Variants in UTP6 observed in about 807,000 individuals in gnomAD.
The protein encoded by UTP6 is UTP6 small subunit processome component.
A neutral mutation model predicts 96.5 loss-of-function variants in UTP6; 60 were observed. That is an observed-to-expected ratio of 0.62 (90% confidence interval 0.51 to 0.77). UTP6 has a LOEUF of 0.77. Ranked by LOEUF, UTP6 falls within the 30% of genes least tolerant of loss-of-function variation. UTP6 has a pLI of 0.00. For synonymous variants in UTP6, 215 were observed against 240.1 expected, an observed-to-expected ratio of 0.90 and a Z score of 0.96; for missense variants, 637 against 706.5, an observed-to-expected ratio of 0.90 and a Z score of 1.12.
chr17:31,872,629 T>C (rs972362249), intron 16 of UTP6, among the ~76,000 whole-genome samples: 4 of 151,458 alleles, frequency 2.6e-5, no homozygotes, highest in African/African-American at 9.7e-5. Context: ...TGAACCATGA[T>C]TGTGCCACTA....
chr17:31,897,477 C>T (rs1187659139), intron 2 of UTP6, among the ~76,000 whole-genome samples: 42 of 103,462 alleles, frequency 4.1e-4, no homozygotes, highest in African/African-American at 1.4e-3. Flanking sequence ...GATGGAGTTT[C>T]GCTCTTGTCT....
intron 14 of UTP6, among the ~76,000 whole-genome samples, chr17:31,874,766 T>C (rs1350613256): frequency 6.6e-6 from 1 of 151,932 alleles, no homozygotes; most frequent in Non-Finnish European, 1.5e-5. Flanking sequence ...ATCCTGTCTC[T>C]ACTAAAATAG....
At chr17:31,873,349 T>C (rs1910299144) in intron 16 of UTP6, 29 bp downstream of exon 16, 1 of 1,603,790 alleles carries the variant, frequency 6.2e-7, no homozygotes, top group Non-Finnish European at 8.5e-7. Context: ...GTAGAGGGAC[T>C]AGTAACAACT....
chr17:31,896,644 A>AAT (rs1567794483), intron 2 of UTP6, among the ~76,000 whole-genome samples: 11 of 145,774 alleles, frequency 7.5e-5, no homozygotes, highest in Non-Finnish European at 1.4e-4. Flanking sequence ...ACAGAAAAAA[A>AAT]TTTTTTTTTT....
In UTP6 at chr17:31,863,419, C is replaced by T. The variant is rs1472015601; in HGVS notation, c.1734G>A (p.Gln578=). 1 of 1,614,104 alleles carries T rather than the reference C, an allele frequency of 6.2e-7. No homozygotes were observed. The highest frequency in any genetic ancestry group is 1.3e-5 in the African/African-American group (1 of 75,024). Residue 578 remains glutamine (Q), a synonymous_variant, in exon 19 of 19, where the codon CAG becomes CAA. Coordinates refer to ENST00000261708, the MANE Select transcript of UTP6 (RefSeq NM_018428.3). The part of the protein sequence containing the change: ...QIYWRAMKML[Q]GESAEAFVAK... ...CTACAAATGCCTCTGCTGACTCTCCCTGCAACATTTTCATCGCTCGCCAGT... is the reference window on the plus strand; with the variant it reads ...CTACAAATGCCTCTGCTGACTCTCCTTGCAACATTTTCATCGCTCGCCAGT...
At chr17:31,882,327 G>GT (rs573086102) in intron 10 of UTP6, among the ~76,000 whole-genome samples, 14,243 of 135,504 alleles carry the variant, frequency 0.11, 1,300 homozygotes, top group African/African-American at 0.26. Context: ...CACTGCATCT[G>GT]TTTTTTTTTT....
chr17:31,876,427 C>T (rs1222684898), intron 13 of UTP6, among the ~76,000 whole-genome samples: 1 of 150,446 alleles, frequency 6.6e-6, no homozygotes, highest in African/African-American at 2.4e-5. Flanking sequence ...GGCAGATCAC[C>T]TAAGGTCGGG....
rs1036405340 is a variant in UTP6, at chr17:31,872,110, G to A, written c.1496+1268C>T. On this transcript the variant is annotated intron_variant, in intron 16 of 18. Transcript: ENST00000261708. ...CTCAGGAGGCTGAGGCAGGAGAATC[G>A]CTTGAACCCGGGAGGCAGAAGTTGC... 4.7e-5 allele frequency among the ~76,000 whole-genome samples: 7 copies of A among 150,452 alleles called. No individual in the cohort carries two copies. The East Asian group carries it at 1.2e-3, about 25-fold the overall frequency.
intron 5 of UTP6, 65 bp from the exon 6 acceptor site, chr17:31,892,388 A>G (rs2142320008): frequency 6.8e-7 from 1 of 1,480,064 alleles, no homozygotes; most frequent in African/African-American, 1.4e-5. Flanking sequence ...TCTCTAAGTA[A>G]TATGTACCCT....
intron 13 of UTP6, among the ~76,000 whole-genome samples, chr17:31,877,527 G>A (rs953296604): frequency 1.3e-5 from 2 of 152,124 alleles, no homozygotes; most frequent in African/African-American, 4.8e-5. Flanking sequence ...ACGCCTGAAA[G>A]ACCAAGTTAG....
intron 13 of UTP6, among the ~76,000 whole-genome samples, chr17:31,877,839 C>A (rs985585631): frequency 6.6e-6 from 1 of 151,860 alleles, no homozygotes; most frequent in Non-Finnish European, 1.5e-5. Context: ...TGGTGGCATG[C>A]ACCTGTGATC....
At position 31,887,308 on chromosome 17, in the gene UTP6, A is replaced by G. The variant is rs1382367656; in HGVS notation, c.549T>C (p.Phe183=). The G allele has an allele frequency of 6.2e-7, 1 of 1,613,488 alleles. No homozygotes were observed. The highest frequency in any genetic ancestry group is 1.1e-5 in the South Asian group (1 of 90,946). ...TTTCAGCATGCATCAGCTCCATCCT[A>G]AAGTACTACAGAAGAGAAATAAACT... ...PECPKLYKEY[F]RMELMHAEKL... The change falls in exon 8 of 19, where the codon TTT becomes TTC. Residue 183 remains phenylalanine (F), a synonymous_variant. Transcript: ENST00000261708.
intron 17 of UTP6, 93 bp from the exon 18 acceptor site, chr17:31,865,531 G>T: frequency 1.6e-6 from 2 of 1,228,594 alleles, no homozygotes. Context: ...TGTCTGTCAG[G>T]TATTTGAAGG....
intron 16 of UTP6, among the ~76,000 whole-genome samples, chr17:31,868,325 GTTTTTTTTTT>G (rs33960994): frequency 6.6e-5 from 6 of 90,504 alleles, no homozygotes; most frequent in Admixed American, 3.1e-4. Context: ...TAGTTTTTTG[GTTTTTTTTTT>G]TTTTTTTTTT....
chr17:31,871,565 A>G (rs544829294), intron 16 of UTP6, among the ~76,000 whole-genome samples: 1 of 152,208 alleles, frequency 6.6e-6, no homozygotes, highest in East Asian at 1.9e-4. Flanking sequence ...TTAAGCAACA[A>G]GGCGAGACCC....
At chr17:31,892,161 C>T in intron 6 of UTP6, 99 bp downstream of exon 6, 1 of 1,360,206 alleles carries the variant, frequency 7.4e-7, no homozygotes, top group East Asian at 2.4e-5. Context: ...AAGCTCAAGT[C>T]CTCAAAATAA....
intron 2 of UTP6, 123 bp downstream of exon 2, chr17:31,899,523 T>G: frequency 9.0e-6 from 5 of 557,324 alleles, no homozygotes; most frequent in South Asian, 6.9e-5. Flanking sequence ...AGGGCAGAGG[T>G]TGCAGTGAGC....
chr17:31,868,890 G>A (rs1299247699), intron 16 of UTP6, among the ~76,000 whole-genome samples: 1 of 152,106 alleles, frequency 6.6e-6, no homozygotes, highest in Non-Finnish European at 1.5e-5. Context: ...AAGGCAGGTG[G>A]ATCACCTGAG....
intron 1 of UTP6, 108 bp downstream of exon 1, chr17:31,901,423 CACGTT>C: frequency 1.0e-6 from 1 of 978,416 alleles, no homozygotes; most frequent in East Asian, 2.4e-5. Context: ...GGGCTTCCAC[CACGTT>C]AGGAAAAGTA....
Sources: gnomAD v4.1 joint callset for allele counts (sites outside exome capture counted in the v4.1 genomes callset) on GRCh38, gnomAD v4.1.1 for gene constraint, MANE v1.5 for transcripts, NCBI Gene and HGNC (gene_info 2026-07-23, HGNC 2026-07-21) for gene names.